Variants in GRIK4 observed in about 807,000 individuals in gnomAD.
The protein encoded by GRIK4 is glutamate receptor ionotropic, kainate 4.
Under a neutral mutation model 104.9 loss-of-function variants are expected in GRIK4, and 40 were observed. The observed-to-expected ratio is 0.38, with a 90% CI of 0.30 to 0.50. GRIK4 has a LOEUF of 0.50. Among genes scored for constraint, GRIK4 ranks in the 20% least tolerant of loss-of-function variants. The pLI is 0.93. For missense variants in GRIK4, 1,047 were observed against 1,308.1 expected (o/e 0.80, Z 3.08); for synonymous variants, 485 against 524.9 (o/e 0.92, Z 1.04).
intron 6 of GRIK4, among the ~76,000 whole-genome samples, chr11:120,828,251 A>G (rs913492188): frequency 3.3e-5 from 5 of 152,236 alleles, no homozygotes; most frequent in Non-Finnish European, 1.5e-5. Context: ...CACATACTGT[A>G]TATTACAAAT....
intron 1 of GRIK4, among the ~76,000 whole-genome samples, chr11:120,527,332 C>T (rs978304039): frequency 5.9e-5 from 9 of 152,274 alleles, no homozygotes; most frequent in South Asian, 4.1e-4. Flanking sequence ...GAAGCAGGGG[C>T]GGGAGCTGGA....
chr11:120,588,796 C>G (rs770203619), intron 1 of GRIK4, among the ~76,000 whole-genome samples: 1 of 152,150 alleles, frequency 6.6e-6, no homozygotes, highest in Non-Finnish European at 1.5e-5. Flanking sequence ...GCCAGTAGCA[C>G]GCCCTGTAGC....
chr11:120,723,154 C>T (rs914357329), intron 3 of GRIK4, among the ~76,000 whole-genome samples: 1 of 152,174 alleles, frequency 6.6e-6, no homozygotes, highest in South Asian at 2.1e-4. Context: ...GTCAATGTCT[C>T]TCTAGTTATT....
At chr11:120,519,424 C>T (rs940829976) in intron 1 of GRIK4, among the ~76,000 whole-genome samples, 14 of 152,030 alleles carry the variant, frequency 9.2e-5, no homozygotes, top group Non-Finnish European at 1.9e-4. Context: ...GCCCCCTCAC[C>T]GCTCCCACCG....
intron 3 of GRIK4, among the ~76,000 whole-genome samples, chr11:120,721,493 G>A (rs1950933147): frequency 6.6e-6 from 1 of 152,176 alleles, no homozygotes; most frequent in Non-Finnish European, 1.5e-5. Flanking sequence ...ACGCCACGGG[G>A]AGCCACATGG....
rs1308103403 is a variant in GRIK4, at chr11:120,953,615, G to C, written c.1700+651G>C. Among the ~76,000 whole-genome samples the C allele has an allele frequency of 6.6e-6, 1 of 152,234 alleles. No individual in the cohort carries two copies. The highest frequency in any genetic ancestry group is 1.5e-5 in the Non-Finnish European group (1 of 67,994). On this transcript the variant is annotated intron_variant, in intron 15 of 20. Transcript: ENST00000527524. The surrounding 1 kb of genome is among the most constrained non-coding windows in gnomAD (Gnocchi z 4.9). ...AGACGCACGGGCCAGACCAGGGAGGGGGGAGAATAAGCCCTGCCCTATCCC... is the reference window on the plus strand; with the variant it reads ...AGACGCACGGGCCAGACCAGGGAGGCGGGAGAATAAGCCCTGCCCTATCCC...
chr11:120,931,882 A>C (rs1347828558), intron 13 of GRIK4, among the ~76,000 whole-genome samples: 1 of 152,128 alleles, frequency 6.6e-6, no homozygotes, highest in African/African-American at 2.4e-5. Flanking sequence ...CTCATCTTAC[A>C]GCATGCTCCT....
At position 120,967,085 on chromosome 11, in the gene GRIK4, C is replaced by A. The variant is rs919544839; in HGVS notation, c.2267-110C>A. On this transcript the variant is annotated intron_variant, in intron 18 of 20. Transcript: ENST00000527524. The surrounding 1 kb of genome is among the most constrained non-coding windows in gnomAD (Gnocchi z 4.2). ...CCCGCTGCATCTGTCTGTCCCCTCT[C>A]GAGGTGAAAGCAGGCAGGGTGGCCA... 2 of 1,235,412 alleles carry A rather than the reference C, an allele frequency of 1.6e-6. No individual in the cohort carries two copies. Among genetic ancestry groups the A allele is most frequent in the East Asian group, 4.9e-5 (2 of 40,728 alleles). 76.5% of individuals were successfully genotyped at this position (1,235,412 alleles called of 1,614,324 possible). A position where few individuals can be genotyped will look rare whatever the true frequency, so the allele number is the denominator to read the frequency against.
Position 120,986,002 on chromosome 11 carries a change from C to G in GRIK4, c.2613C>G (p.Pro871=), listed in dbSNP as rs1317450461. The G allele has an allele frequency of 6.5e-7, 1 of 1,530,508 alleles. No homozygotes were observed. Among genetic ancestry groups the G allele is most frequent in the Admixed American group, 2.1e-5 (1 of 48,342 alleles). The allele number at this position is 1,530,508 out of a possible 1,614,324, so 94.8% of individuals were successfully genotyped here. The change falls in exon 21 of 21, where the codon CCC becomes CCG. Residue 871 remains proline, a synonymous_variant. Transcript: ENST00000527524. The part of the protein sequence containing the change: ...PRRRRAAVPP[P]RPPIPEERRP... Reference sequence around the variant, plus strand: ...GGCGGCGCGCCGCAGTCCCGCCGCCCCGGCCCCCCATCCCCGAGGAGCGCC... The same window carrying G: ...GGCGGCGCGCCGCAGTCCCGCCGCCGCGGCCCCCCATCCCCGAGGAGCGCC...
At chr11:120,886,502 G>T (rs890458823) in intron 11 of GRIK4, among the ~76,000 whole-genome samples, 3 of 152,150 alleles carry the variant, frequency 2.0e-5, no homozygotes, top group African/African-American at 4.8e-5. Flanking sequence ...TATTAAGCGA[G>T]GTGCCTGCAA....
intron 1 of GRIK4, among the ~76,000 whole-genome samples, chr11:120,521,104 T>G (rs1282452577): frequency 6.6e-6 from 1 of 152,118 alleles, no homozygotes; most frequent in African/African-American, 2.4e-5. Context: ...TTTCGTTTTT[T>G]TGAGACAGAG....
chr11:120,986,359 G>T lies in GRIK4; in HGVS notation c.*99G>T, dbSNP rs1178625510. The T allele has an allele frequency of 1.5e-6, 2 of 1,336,212 alleles. No individual in the cohort carries two copies. Among genetic ancestry groups the T allele is most frequent in the African/African-American group, 1.6e-5 (1 of 64,290 alleles). 82.8% of individuals were successfully genotyped at this position (1,336,212 alleles called of 1,614,324 possible). On this transcript the variant is annotated 3_prime_UTR_variant, in exon 21 of 21. Coordinates refer to ENST00000527524, the MANE Select transcript of GRIK4 (RefSeq NM_014619.5). ...CGCCAGCCGGAACTTGTACAGCGTC[G>T]ACACCTCTCCAGATTTCGGATCCAG...
intron 1 of GRIK4, among the ~76,000 whole-genome samples, chr11:120,538,984 A>G (rs1471269545): frequency 6.6e-6 from 1 of 152,238 alleles, no homozygotes; most frequent in Non-Finnish European, 1.5e-5. Flanking sequence ...TGAGAGAAGA[A>G]AAGTGGTGCT....
intron 1 of GRIK4, among the ~76,000 whole-genome samples, chr11:120,650,341 A>G (rs1949601408): frequency 6.6e-6 from 1 of 152,220 alleles, no homozygotes; most frequent in African/African-American, 2.4e-5. Flanking sequence ...GAGACTGGAA[A>G]TCAACAGAGT....
At chr11:120,538,963 G>C (rs554413550) in intron 1 of GRIK4, among the ~76,000 whole-genome samples, 7 of 152,358 alleles carry the variant, frequency 4.6e-5, no homozygotes, top group Admixed American at 1.3e-4. Context: ...TCCAGGTTGG[G>C]AAATTCTGTA....
chr11:120,639,851 A>C (rs193086574), intron 1 of GRIK4, among the ~76,000 whole-genome samples: 1 of 152,264 alleles, frequency 6.6e-6, no homozygotes, highest in East Asian at 1.9e-4. Context: ...TTTATGTAAA[A>C]ATCTCAGTGG....
chr11:120,893,741 G>A (rs953534466), intron 11 of GRIK4, among the ~76,000 whole-genome samples: 1 of 152,202 alleles, frequency 6.6e-6, no homozygotes, highest in Non-Finnish European at 1.5e-5. Context: ...CAGCCATAGC[G>A]GGTGTGTTTA....
At chr11:120,901,839 G>C (rs964503947) in intron 12 of GRIK4, among the ~76,000 whole-genome samples, 1 of 152,200 alleles carries the variant, frequency 6.6e-6, no homozygotes, top group Non-Finnish European at 1.5e-5. Context: ...CCTGATTTGT[G>C]CATGTGTGCA....
At chr11:120,958,409 C>T (rs1040290167) in intron 16 of GRIK4, among the ~76,000 whole-genome samples, 5 of 152,212 alleles carry the variant, frequency 3.3e-5, no homozygotes, top group African/African-American at 7.2e-5. Context: ...GTGCCAGCCC[C>T]GACTCCAGGT....
Sources: allele counts gnomAD v4.1 joint callset (sites outside exome capture counted in the v4.1 genomes callset), GRCh38; gene constraint gnomAD v4.1.1; non-coding constraint Gnocchi (gnomAD v3.1); transcripts MANE v1.5; gene names NCBI Gene and HGNC (gene_info 2026-07-23, HGNC 2026-07-21).